FRMD3: variants seen among roughly 807,000 people sequenced by gnomAD.
The protein encoded by FRMD3 is FERM domain containing 3.
In FRMD3, 33 loss-of-function variants were observed where a neutral mutation model predicts 70.2. The ratio of observed to expected loss-of-function variants is 0.47; its 90% confidence interval spans 0.36 to 0.63. FRMD3 has a LOEUF of 0.63. Ranked by LOEUF, FRMD3 falls within the 20% of genes least tolerant of loss-of-function variation. FRMD3 has a pLI of 0.00. For synonymous variants in FRMD3, 279 were observed against 255.9 expected (o/e 1.09, Z -0.86); for missense variants, 632 against 711.4 (o/e 0.89, Z 1.27).
In FRMD3 at chr9:83,247,873, A is replaced by G. The variant is rs1563970220; in HGVS notation, c.*45T>C. ...ACCAGGCATTTGCTGAAAAAAAGAAATCACTAGCATTGAATATAGCCCTTA... is the reference window on the plus strand; with the variant it reads ...ACCAGGCATTTGCTGAAAAAAAGAAGTCACTAGCATTGAATATAGCCCTTA... On this transcript the variant is annotated 3_prime_UTR_variant, in exon 14 of 14. Coordinates refer to ENST00000304195, the MANE Select transcript of FRMD3 (RefSeq NM_174938.6). 1.3e-6 allele frequency: 2 copies of G among 1,582,360 alleles called. No homozygotes were observed. Among genetic ancestry groups the G allele is most frequent in the Non-Finnish European group, 1.7e-6 (2 of 1,163,230 alleles).
At chr9:83,373,989 G>A (rs1444332026) in intron 2 of FRMD3, among the ~76,000 whole-genome samples, 1 of 152,146 alleles carries the variant, frequency 6.6e-6, no homozygotes, top group Non-Finnish European at 1.5e-5. Flanking sequence ...CATTTGCTGA[G>A]CGCTTACTAA....
intron 13 of FRMD3, among the ~76,000 whole-genome samples, chr9:83,283,903 G>A (rs1455926731): frequency 6.6e-6 from 1 of 152,140 alleles, no homozygotes; most frequent in African/African-American, 2.4e-5. Context: ...AACTTCTGAT[G>A]TGTTTTCATG....
the FRMD3 span, among the ~76,000 whole-genome samples, chr9:83,547,187 A>T: frequency 3.3e-5 from 5 of 149,810 alleles, no homozygotes; most frequent in African/African-American, 9.7e-5. Flanking sequence ...AACAGTTAAA[A>T]AAAGACAAAG....
At chr9:83,535,999 AT>A (rs1829884192) in intron 1 of FRMD3, among the ~76,000 whole-genome samples, 1 of 152,180 alleles carries the variant, frequency 6.6e-6, no homozygotes, top group Non-Finnish European at 1.5e-5. Flanking sequence ...CGGAAGGGCA[AT>A]TTCAATTCCT....
chr9:83,322,044 C>T (rs546323914), intron 6 of FRMD3, among the ~76,000 whole-genome samples: 23 of 152,152 alleles, frequency 1.5e-4, no homozygotes, highest in African/African-American at 4.8e-4. Flanking sequence ...ACTCGGCCCA[C>T]GGTGGAGTGC....
chr9:83,243,101 T>G (rs1587598590), downstream of FRMD3: 9 of 1,186,172 alleles, frequency 7.6e-6, no homozygotes, highest in Admixed American at 2.0e-5. Flanking sequence ...GCCCACTGGG[T>G]GGGGCCCACC....
chr9:83,327,613 T>G (rs1836071489), intron 6 of FRMD3, among the ~76,000 whole-genome samples: 1 of 152,196 alleles, frequency 6.6e-6, no homozygotes, highest in African/African-American at 2.4e-5. Flanking sequence ...GTTAAAAGTT[T>G]GCCTAGTTGC....
chr9:83,328,770 T>G (rs1836127171), intron 6 of FRMD3, among the ~76,000 whole-genome samples: 1 of 152,116 alleles, frequency 6.6e-6, no homozygotes, highest in African/African-American at 2.4e-5. Context: ...CGATAAATAT[T>G]AGTGGTATGA....
At chr9:83,261,623 A>G (rs990991843) in intron 13 of FRMD3, among the ~76,000 whole-genome samples, 4 of 152,140 alleles carry the variant, frequency 2.6e-5, no homozygotes, top group Non-Finnish European at 4.4e-5. Context: ...TGTTTCAACC[A>G]TATTTATGGC....
chr9:83,471,752 T>G (rs1360917236), intron 1 of FRMD3, among the ~76,000 whole-genome samples: 2 of 152,208 alleles, frequency 1.3e-5, no homozygotes, highest in Non-Finnish European at 2.9e-5. Context: ...ACATTTGTAT[T>G]TGTTTAAGTG....
the FRMD3 span, among the ~76,000 whole-genome samples, chr9:83,543,932 C>T: frequency 0.95 from 145,149 of 152,230 alleles, 69,307 homozygotes; most frequent in African/African-American, 0.97. Flanking sequence ...TAGCTGCTGC[C>T]GCCAGGGTTT....
intron 12 of FRMD3, among the ~76,000 whole-genome samples, chr9:83,294,111 T>A (rs945834919): frequency 2.0e-5 from 3 of 152,156 alleles, no homozygotes; most frequent in Non-Finnish European, 4.4e-5. Flanking sequence ...TATTAAGAGG[T>A]GGGGCCTTCA....
chr9:83,385,787 C>G (rs1246974947), intron 2 of FRMD3, among the ~76,000 whole-genome samples: 3 of 152,018 alleles, frequency 2.0e-5, no homozygotes, highest in Non-Finnish European at 4.4e-5. Flanking sequence ...AATGTCCATA[C>G]CAGCATGTCT....
intron 13 of FRMD3, among the ~76,000 whole-genome samples, chr9:83,251,462 T>G (rs1832425268): frequency 6.6e-6 from 1 of 152,182 alleles, no homozygotes; most frequent in African/African-American, 2.4e-5. Flanking sequence ...CCTCTTCTCA[T>G]CCAAATGACC....
At chr9:83,573,944 A>G in the FRMD3 span, among the ~76,000 whole-genome samples, 1 of 152,144 alleles carries the variant, frequency 6.6e-6, no homozygotes, top group African/African-American at 2.4e-5. Context: ...GAGTTCCACC[A>G]CTGTAAGCGT....
intron 1 of FRMD3, among the ~76,000 whole-genome samples, chr9:83,526,665 T>C (rs1195017038): frequency 6.6e-6 from 1 of 152,216 alleles, no homozygotes; most frequent in Non-Finnish European, 1.5e-5. Context: ...CACTATCTTT[T>C]CTATCTTCCC....
At chr9:83,339,584 T>G (rs1823689879) in intron 5 of FRMD3, among the ~76,000 whole-genome samples, 1 of 152,140 alleles carries the variant, frequency 6.6e-6, no homozygotes, top group South Asian at 2.1e-4. Flanking sequence ...CCAAAAGAAT[T>G]TGAGATGCAG....
Position 83,537,990 on chromosome 9 carries a change from C to T in FRMD3, c.147+95G>A, listed in dbSNP as rs1177829304. The T allele has an allele frequency of 2.9e-6, 4 of 1,392,370 alleles. No individual in the cohort carries two copies. Among genetic ancestry groups the T allele is most frequent in the African/African-American group, 2.8e-5 (2 of 70,826 alleles). The allele number at this position is 1,392,370 out of a possible 1,614,324, so 86.3% of individuals were successfully genotyped here. On this transcript the variant is annotated intron_variant, in intron 1 of 13. Coordinates refer to ENST00000304195, the MANE Select transcript of FRMD3 (RefSeq NM_174938.6). This position sits in a 1 kb window ranked among gnomAD's most constrained non-coding sequence, Gnocchi z 4.1. ...TTTCTAGCAGTCCCCCAATCCCCTCCGGGAGTGGGTTCCTTGTTCTCGCAT... is the reference window on the plus strand; with the variant it reads ...TTTCTAGCAGTCCCCCAATCCCCTCTGGGAGTGGGTTCCTTGTTCTCGCAT...
At chr9:83,496,656 A>G (rs1051395601) in intron 1 of FRMD3, among the ~76,000 whole-genome samples, 3 of 149,110 alleles carry the variant, frequency 2.0e-5, no homozygotes, top group African/African-American at 7.5e-5. Context: ...TAAAAAAAAA[A>G]TGATAGCTGA....
Sources: allele counts gnomAD v4.1 joint callset (sites outside exome capture counted in the v4.1 genomes callset), GRCh38; gene constraint gnomAD v4.1.1; non-coding constraint Gnocchi (gnomAD v3.1); transcripts MANE v1.5; gene names NCBI Gene and HGNC (gene_info 2026-07-23, HGNC 2026-07-21).